The following DLG3 variants were observed in gnomAD, a reference collection of about 807,000 sequenced individuals.
DLG3 encodes disks large homolog 3.
DLG3 carries 1 observed loss-of-function variant against 64.1 expected under a neutral mutation model. The ratio of observed to expected loss-of-function variants is 0.02; its 90% CI spans 0.01 to 0.07. The LOEUF (loss-of-function observed/expected upper bound fraction) is 0.07. DLG3 is among the 10% of genes least tolerant of loss of function. The pLI is 1.00. For synonymous variants in DLG3, 245 were observed against 259.8 expected, an observed-to-expected ratio of 0.94 and a Z score of 0.55; for missense variants, 429 against 669.5, an observed-to-expected ratio of 0.64 and a Z score of 3.96.
At chrX:70,500,731 A>G (rs993421467) in intron 17 of DLG3, 151 bp downstream of exon 17, 26 of 669,067 alleles carry the variant, frequency 3.9e-5, no homozygotes, top group African/African-American at 1.1e-4. Context: ...GGGCTTGTGC[A>G]TATGTTCATG....
rs191042682 is a variant in DLG3 at position 70,469,167 on chromosome X, C to T, written c.1406-9983C>T. 1.2e-4 allele frequency among the ~76,000 whole-genome samples: 13 copies of T among 110,314 alleles called. No homozygotes were observed. The East Asian group carries it at 1.4e-3, about 12-fold the overall frequency. ...TTGGGACTACAGGCGTACACCACCA[C>T]GCCTGACTAATTCTCTTATTTTTTT... On this transcript the variant is annotated intron_variant, in intron 9 of 18. Transcript: ENST00000374360.
intron 9 of DLG3, among the ~76,000 whole-genome samples, chrX:70,468,375 T>C (rs999758475): frequency 8.9e-6 from 1 of 111,798 alleles, no homozygotes; most frequent in Admixed American, 9.6e-5. Context: ...CCTGGCCTAG[T>C]ATAGCATTTT....
intron 11 of DLG3, 55 bp downstream of exon 11, chrX:70,492,338 T>G (rs1394894320): frequency 1.7e-6 from 2 of 1,192,136 alleles, no homozygotes; most frequent in Admixed American, 2.2e-5. Flanking sequence ...TGGTATTTCT[T>G]TCTTGTTTTC....
At position 70,505,359 on chromosome X, in the gene DLG3, TCTC is replaced by T. The variant is rs1247296421; in HGVS notation, c.*3096_*3098del. On this transcript the variant is annotated 3_prime_UTR_variant, in exon 19 of 19. Transcript: ENST00000374360. ...TGTCCTGAAGGAGGAGAGAGCCCTATCTCCTCCTGGTTTTGTTGCTGACATTGC... is the reference window on the plus strand; with the variant it reads ...TGTCCTGAAGGAGGAGAGAGCCCTATCTCCTGGTTTTGTTGCTGACATTGC... 1.7e-4 allele frequency: 19 copies of T among 111,973 alleles called. No homozygotes were observed. The highest frequency in any genetic ancestry group is 5.5e-4 in the African/African-American group (17 of 30,796). 9.2% of individuals were successfully genotyped at this position (111,973 alleles called of 1,213,427 possible). A position where few individuals can be genotyped will look rare whatever the true frequency, so the allele number is the denominator to read the frequency against.
chrX:70,480,566 A>G (rs971568146), intron 10 of DLG3, among the ~76,000 whole-genome samples: 4 of 111,428 alleles, frequency 3.6e-5, no homozygotes, highest in Admixed American at 9.5e-5. Flanking sequence ...CATTTTTCCA[A>G]TTCCCCGGAA....
At chrX:70,492,650 C>G in intron 12 of DLG3, 54 bp downstream of exon 12, 9 of 1,089,219 alleles carry the variant, frequency 8.3e-6, no homozygotes, top group Non-Finnish European at 1.0e-5. Context: ...GTTGAGAAGC[C>G]TGGAGTTTAG....
chrX:70,482,673 T>G (rs1446645231), intron 10 of DLG3, among the ~76,000 whole-genome samples: 6 of 88,791 alleles, frequency 6.8e-5, no homozygotes, highest in African/African-American at 8.7e-5. Context: ...TTTTTTTTTT[T>G]TTTTTTTTTT....
intron 12 of DLG3, chrX:70,493,235 CAT>C (rs1399477743): frequency 1.2e-5 from 6 of 520,384 alleles, no homozygotes; most frequent in Non-Finnish European, 2.0e-5. Context: ...CATTTAATCT[CAT>C]AGACTCCATT....
In DLG3 at chrX:70,492,559, A is replaced by C; in HGVS notation, c.1736A>C (p.Lys579Thr). The C allele has an allele frequency of 8.3e-7, 1 of 1,211,777 alleles. No individual in the cohort carries two copies. Among genetic ancestry groups the C allele is most frequent in the Non-Finnish European group, 1.1e-6 (1 of 895,443 alleles). The change falls in exon 12 of 19, where the codon AAG becomes ACG. Residue 579 changes from lysine to threonine, a missense_variant. This residue lies in a region of DLG3 where 25 missense variants were observed against 83.7 expected (regional missense o/e 0.30). Transcript: ENST00000374360. Reference protein sequence around the residue: ...KKERARLKTVKFHARTGMIES... With the variant: ...KKERARLKTVTFHARTGMIES... ...GAAAGAGCTCGATTGAAAACTGTGA[A>C]GTTCCATGCCAGGACGGGGATGATT...
rs773605368 is a variant in DLG3 at position 70,493,516 on chromosome X, C to T, written c.1773+920C>T. ...GTCCAGAGAGCAGGCCATCTGCAGC[C>T]CCATCCTCTCATCCTCAGTTGCCCT... On this transcript the variant is annotated intron_variant, in intron 12 of 18. Transcript: ENST00000374360. 19 of 1,095,067 alleles carry T rather than the reference C, an allele frequency of 1.7e-5. No individual in the cohort carries two copies. In the East Asian group the frequency reaches 4.8e-4, roughly 28 times the overall value. The allele number at this position is 1,095,067 out of a possible 1,213,427, so 90.2% of individuals were successfully genotyped here. A position where few individuals can be genotyped will look rare whatever the true frequency, so the allele number is the denominator to read the frequency against.
chrX:70,447,589 G>T (rs2086581206), intron 1 of DLG3, among the ~76,000 whole-genome samples: 1 of 112,084 alleles, frequency 8.9e-6, no homozygotes, highest in African/African-American at 3.2e-5. Context: ...GGGAAGCACA[G>T]CAGGACATGT....
chrX:70,492,685 A>G (rs1352843364), intron 12 of DLG3, 89 bp downstream of exon 12: 1 of 842,767 alleles, frequency 1.2e-6, no homozygotes, highest in Non-Finnish European at 1.8e-6. Context: ...GAACTGGGGA[A>G]CACAAAAGAA....
Position 70,445,614 on chromosome X carries a change from G to A in DLG3, c.357+56G>A, listed in dbSNP as rs1030601272. ...GCAACCCAGGAGGGCTGGAGAGTGG[G>A]GGCCTAGAGGCCTGGGATGCAGTAG... On this transcript the variant is annotated intron_variant, in intron 1 of 18. Transcript: ENST00000374360. 5.6e-6 allele frequency: 6 copies of A among 1,077,479 alleles called. No individual in the cohort carries two copies. In the Admixed American group the frequency reaches 7.8e-5, roughly 14 times the overall value. 88.8% of individuals were successfully genotyped at this position (1,077,479 alleles called of 1,213,427 possible). A position where few individuals can be genotyped will look rare whatever the true frequency, so the allele number is the denominator to read the frequency against.
intron 1 of DLG3, among the ~76,000 whole-genome samples, chrX:70,447,480 C>A (rs1040946554): frequency 1.8e-5 from 2 of 112,458 alleles, no homozygotes; most frequent in Non-Finnish European, 1.9e-5. Flanking sequence ...AGCTGCAGAG[C>A]CAGCCCAGAA....
At chrX:70,501,855 G>A (rs1160169127) in intron 18 of DLG3, among the ~76,000 whole-genome samples, 2 of 111,793 alleles carry the variant, frequency 1.8e-5, no homozygotes, top group African/African-American at 6.5e-5. Context: ...GCACATAGTG[G>A]GTGCTCAATA....
At chrX:70,446,859 G>A (rs971014809) in intron 1 of DLG3, among the ~76,000 whole-genome samples, 4 of 112,259 alleles carry the variant, frequency 3.6e-5, no homozygotes, top group Admixed American at 9.4e-5. Flanking sequence ...GCTGGTGACC[G>A]TTCTGGCTGC....
intron 6 of DLG3, 45 bp from the exon 7 acceptor site, chrX:70,451,822 C>T: frequency 8.3e-7 from 1 of 1,205,724 alleles, no homozygotes; most frequent in Non-Finnish European, 1.1e-6. Context: ...TGGGGTACCT[C>T]CCTGGACCAG....
At chrX:70,496,474 T>A (rs184634638) in intron 13 of DLG3, among the ~76,000 whole-genome samples, 122 of 112,963 alleles carry the variant, frequency 1.1e-3, no homozygotes, top group African/African-American at 3.6e-3. Flanking sequence ...GAGCTTTCTT[T>A]TCCCTCACCA....
At chrX:70,469,670 AC>A (rs770461226) in intron 9 of DLG3, among the ~76,000 whole-genome samples, 10 of 109,777 alleles carry the variant, frequency 9.1e-5, no homozygotes, top group African/African-American at 2.7e-4. Context: ...CTGGTCTCGA[AC>A]TCCTGACCTC....
Sources: allele counts gnomAD v4.1 joint callset (sites outside exome capture counted in the v4.1 genomes callset), GRCh38; gene constraint gnomAD v4.1.1; regional missense constraint gnomAD v4.1.1; transcripts MANE v1.5; gene names NCBI Gene and HGNC (gene_info 2026-07-23, HGNC 2026-07-21).